The following SNTB1 variants were observed in gnomAD, a reference collection of about 807,000 sequenced individuals.
The protein encoded by SNTB1 is beta-1-syntrophin.
Under a neutral mutation model 48.9 loss-of-function variants are expected in SNTB1, and 36 were observed. The ratio of observed to expected loss-of-function variants is 0.74; its 90% CI spans 0.56 to 0.97. SNTB1 has a LOEUF of 0.97. Among genes scored for constraint, SNTB1 ranks in the 50% least tolerant of loss-of-function variants. The probability of loss-of-function intolerance (pLI) is 0.00; values close to 1 mark genes in which losing one functional copy is unlikely to be tolerated. For synonymous variants in SNTB1, 299 were observed against 294.6 expected, an observed-to-expected ratio of 1.01 and a Z score of -0.15; for missense variants, 786 against 703.4, an observed-to-expected ratio of 1.12 and a Z score of -1.33.
At chr8:120,756,918 A>G (rs1481586214) in intron 1 of SNTB1, among the ~76,000 whole-genome samples, 2 of 152,194 alleles carry the variant, frequency 1.3e-5, no homozygotes, top group Non-Finnish European at 2.9e-5. Flanking sequence ...TCACCTCTTC[A>G]TGCTGGCTTT....
chr8:120,796,602 G>A (rs773803731), intron 1 of SNTB1, among the ~76,000 whole-genome samples: 7 of 151,974 alleles, frequency 4.6e-5, no homozygotes, highest in East Asian at 1.9e-4. Flanking sequence ...TAACTAATCC[G>A]AACTGGTGGG....
chr8:120,811,414 T>G lies in SNTB1; in HGVS notation c.430A>C (p.Lys144Gln). The stretch of plus-strand genomic sequence containing the variant: ...TGGGTCTGGTCCGCCGCCAGCCCCT[T>G]GAAGATCTTGCTGATGAGGATGGGC... ...KMPILISKIF[K>Q]GLAADQTQAL... Residue 144 changes from lysine to glutamine, a missense_variant, in exon 1 of 7, where the codon AAG (lysine) becomes CAG (glutamine). By Grantham distance (53) the Lys-to-Gln change is moderately conservative. Transcript: ENST00000517992. 6.2e-7 allele frequency: 1 copy of G among 1,613,912 alleles called. No individual in the cohort carries two copies.
chr8:120,732,410 C>T (rs988424775), intron 1 of SNTB1, among the ~76,000 whole-genome samples: 1 of 152,238 alleles, frequency 6.6e-6, no homozygotes, highest in Non-Finnish European at 1.5e-5. Flanking sequence ...AGAAACCTCA[C>T]TCTGAGGATG....
chr8:120,651,659 T>A (rs1375946741), intron 2 of SNTB1, among the ~76,000 whole-genome samples: 3 of 152,156 alleles, frequency 2.0e-5, no homozygotes, highest in Non-Finnish European at 4.4e-5. Context: ...TAGTTTCAAC[T>A]TCAACAATTA....
chr8:120,670,554 G>A (rs1817742667), intron 2 of SNTB1, among the ~76,000 whole-genome samples: 1 of 152,182 alleles, frequency 6.6e-6, no homozygotes, highest in African/African-American at 2.4e-5. Flanking sequence ...ATTGTAAGCA[G>A]AAGATGTCAC....
intron 1 of SNTB1, among the ~76,000 whole-genome samples, chr8:120,746,770 C>CA (rs1819132110): frequency 6.6e-6 from 1 of 152,186 alleles, no homozygotes; most frequent in Non-Finnish European, 1.5e-5. Context: ...TATTACTGGA[C>CA]ATGGGAGAAA....
At chr8:120,810,996 GA>G (rs1463740236) in intron 1 of SNTB1, among the ~76,000 whole-genome samples, 1 of 152,160 alleles carries the variant, frequency 6.6e-6, no homozygotes, top group African/African-American at 2.4e-5. Context: ...ATCCGGCTGG[GA>G]AACCCTGCTA....
chr8:120,802,010 T>C (rs1024163460), intron 1 of SNTB1, among the ~76,000 whole-genome samples: 1 of 152,122 alleles, frequency 6.6e-6, no homozygotes, highest in African/African-American at 2.4e-5. Context: ...TGTCCCAACT[T>C]TAAGCAATTA....
intron 2 of SNTB1, among the ~76,000 whole-genome samples, chr8:120,662,074 C>T (rs943702535): frequency 1.3e-5 from 2 of 152,110 alleles, no homozygotes; most frequent in Non-Finnish European, 2.9e-5. Context: ...ATTATTTTCT[C>T]TGTGGAAGCC....
chr8:120,811,272 C>A lies in SNTB1; in HGVS notation c.571+1G>T. 1 of 1,593,792 alleles carries A rather than the reference C, an allele frequency of 6.3e-7. No homozygotes were observed. The highest frequency in any genetic ancestry group is 8.5e-7 in the Non-Finnish European group (1 of 1,175,380). On this transcript the variant is annotated splice_donor_variant, in intron 1 of 6. Coordinates refer to ENST00000517992, the MANE Select transcript of SNTB1 (RefSeq NM_021021.4). LOFTEE classifies it high-confidence loss of function. Reference sequence around the variant, plus strand: ...CGGCCCGCGCGCTGTTAACCCCTTACCTTCCAGCAGCACTTCCTTGCCCGC... The same window carrying A: ...CGGCCCGCGCGCTGTTAACCCCTTAACTTCCAGCAGCACTTCCTTGCCCGC...
intron 1 of SNTB1, among the ~76,000 whole-genome samples, chr8:120,750,915 C>A (rs1388510610): frequency 6.6e-6 from 1 of 151,832 alleles, no homozygotes; most frequent in African/African-American, 2.4e-5. Context: ...AGCTACCCCC[C>A]ATCTGGATAT....
In SNTB1 at chr8:120,811,838, C is replaced by A. The variant is rs1451496267; in HGVS notation, c.6G>T (p.Ala2=). Residue 2 remains alanine, a synonymous_variant, in exon 1 of 7, where the codon GCG becomes GCT. Coordinates refer to ENST00000517992, the MANE Select transcript of SNTB1 (RefSeq NM_021021.4). M[A]VAAAAAAAGP... Reference sequence around the variant, plus strand: ...CAGCCGCCGCCGCCGCCGCCGCTACCGCCATCTTTCCGGCATTCTTAAAAT... The same window carrying A: ...CAGCCGCCGCCGCCGCCGCCGCTACAGCCATCTTTCCGGCATTCTTAAAAT... The A allele has an allele frequency of 1.5e-6, 2 of 1,346,492 alleles. No homozygotes were observed. Among genetic ancestry groups the A allele is most frequent in the Non-Finnish European group, 1.9e-6 (2 of 1,052,826 alleles). 83.4% of individuals were successfully genotyped at this position (1,346,492 alleles called of 1,614,324 possible).
intron 1 of SNTB1, among the ~76,000 whole-genome samples, chr8:120,782,498 C>T (rs996466709): frequency 1.3e-5 from 2 of 151,948 alleles, no homozygotes; most frequent in African/African-American, 4.8e-5. Context: ...GCACATTTAC[C>T]TATTTTTAAA....
chr8:120,705,685 T>C (rs1342780304), intron 1 of SNTB1, among the ~76,000 whole-genome samples: 1 of 152,214 alleles, frequency 6.6e-6, no homozygotes, highest in African/African-American at 2.4e-5. Context: ...TGGAATGTGG[T>C]TAATTGAGAT....
At chr8:120,621,811 A>G (rs1169801202) in intron 3 of SNTB1, among the ~76,000 whole-genome samples, 1 of 151,238 alleles carries the variant, frequency 6.6e-6, no homozygotes, top group Non-Finnish European at 1.5e-5. Flanking sequence ...TCTCTTTCTC[A>G]TTTTTCCAGA....
chr8:120,752,278 A>G lies in SNTB1; in HGVS notation c.572-58370T>C, dbSNP rs192346679. ...ATAATATATCTGTGTATATGTATAT[A>G]TGCATATATCATATATATTGTTTCA... is the stretch of plus-strand genomic sequence containing the variant. On this transcript the variant is annotated intron_variant, in intron 1 of 6. Transcript: ENST00000517992. Among the ~76,000 whole-genome samples, 15 of 152,250 alleles carry G rather than the reference A, an allele frequency of 9.9e-5. 1 individual carries two copies. Among genetic ancestry groups the G allele is most frequent in the Middle Eastern group, 3.4e-3 (1 of 294 alleles).
At chr8:120,613,316 A>C (rs2130733418) in intron 3 of SNTB1, among the ~76,000 whole-genome samples, 1 of 151,440 alleles carries the variant, frequency 6.6e-6, no homozygotes, top group East Asian at 1.9e-4. Context: ...GTGCCACTGC[A>C]CTTTAGCCTG....
rs546502903 is a variant in SNTB1 at position 120,674,605 on chromosome 8, G to A, written c.788+19087C>T. Among the ~76,000 whole-genome samples the A allele has an allele frequency of 3.3e-5, 5 of 152,192 alleles. No individual in the cohort carries two copies. The East Asian group carries it at 5.8e-4, about 18-fold the overall frequency. The stretch of plus-strand genomic sequence containing the variant: ...GATGGGGCAAGGACGTCTTCAATGC[G>A]GTTTGTTTTTTTTCCTTACATTCTT... On this transcript the variant is annotated intron_variant, in intron 2 of 6. Transcript: ENST00000517992.
At chr8:120,662,521 C>G (rs1430267139) in intron 2 of SNTB1, among the ~76,000 whole-genome samples, 1 of 152,144 alleles carries the variant, frequency 6.6e-6, no homozygotes. Context: ...CCAAAACTTT[C>G]TACTTCTTGG....
Sources: gnomAD v4.1 joint callset for allele counts (sites outside exome capture counted in the v4.1 genomes callset) on GRCh38, gnomAD v4.1.1 for gene constraint, MANE v1.5 for transcripts, NCBI Gene and HGNC (gene_info 2026-07-23, HGNC 2026-07-21) for gene names.